JADE3: variants seen among roughly 807,000 people sequenced by gnomAD.
JADE3 encodes jade family PHD finger 3.
In JADE3, 2 loss-of-function variants were observed where a neutral mutation model predicts 50.1. The ratio of observed to expected loss-of-function variants is 0.04; its 90% confidence interval spans 0.02 to 0.13. JADE3 has a LOEUF of 0.13. JADE3 is among the 10% of genes least tolerant of loss of function. The pLI is 1.00. For missense variants in JADE3, 475 were observed against 634.4 expected (o/e 0.75, Z 2.70); for synonymous variants, 218 against 232.9 (o/e 0.94, Z 0.58).
intron 1 of JADE3, among the ~76,000 whole-genome samples, chrX:46,967,467 T>A (rs1278134136): frequency 8.9e-6 from 1 of 111,856 alleles, no homozygotes; most frequent in African/African-American, 3.2e-5. Flanking sequence ...AGGAAAAACC[T>A]GCTTTCTTCT....
chrX:46,990,142 T>G (rs1415052285), intron 3 of JADE3, among the ~76,000 whole-genome samples: 1 of 112,054 alleles, frequency 8.9e-6, no homozygotes, highest in Non-Finnish European at 1.9e-5. Context: ...ATGGATGTTT[T>G]AAAATCCTTG....
intron 3 of JADE3, among the ~76,000 whole-genome samples, chrX:46,995,029 A>ATTT (rs782296166): frequency 1.0e-5 from 1 of 96,343 alleles, no homozygotes; most frequent in Admixed American, 1.1e-4. Context: ...TTCCTTTAAG[A>ATTT]TTTTTTTTTT....
chrX:47,056,366 T>C (rs781913853), intron 10 of JADE3, among the ~76,000 whole-genome samples, 167 bp downstream of exon 10: 1 of 111,981 alleles, frequency 8.9e-6, no homozygotes, highest in East Asian at 2.8e-4. Context: ...CCCATTTCAC[T>C]GTCAGTTCAT....
intron 8 of JADE3, among the ~76,000 whole-genome samples, chrX:47,053,363 A>G (rs1370166583): frequency 9.0e-6 from 1 of 110,795 alleles, no homozygotes; most frequent in Non-Finnish European, 1.9e-5. Flanking sequence ...GGTTCAGGCA[A>G]TTCTCATGCC....
intron 1 of JADE3, among the ~76,000 whole-genome samples, chrX:46,940,120 T>C (rs1926722514): frequency 1.8e-5 from 2 of 112,000 alleles, no homozygotes; most frequent in African/African-American, 6.5e-5. Context: ...TAATGTTGAG[T>C]GAATTAGGTT....
intron 1 of JADE3, among the ~76,000 whole-genome samples, chrX:46,971,839 G>A (rs1054579938): frequency 2.7e-5 from 3 of 109,508 alleles, no homozygotes; most frequent in African/African-American, 1.0e-4. Context: ...ATTTAGAAAG[G>A]GCTAGCACCA....
chrX:46,940,222 G>A (rs1556342018), intron 1 of JADE3, among the ~76,000 whole-genome samples: 1 of 112,372 alleles, frequency 8.9e-6, no homozygotes, highest in Non-Finnish European at 1.9e-5. Context: ...AAAATTAGAA[G>A]ATGAGAGTTA....
intron 1 of JADE3, among the ~76,000 whole-genome samples, chrX:46,979,707 C>G (rs993109587): frequency 9.0e-6 from 1 of 110,571 alleles, no homozygotes; most frequent in African/African-American, 3.3e-5. Context: ...TACACTTTCT[C>G]CATGATTTGA....
intron 4 of JADE3, among the ~76,000 whole-genome samples, chrX:47,009,742 A>G (rs1928514181): frequency 9.2e-6 from 1 of 108,329 alleles, no homozygotes; most frequent in Admixed American, 1.0e-4. Context: ...CTCTCACCTC[A>G]GCCTTCCAAG....
intron 1 of JADE3, among the ~76,000 whole-genome samples, chrX:46,923,393 C>CTCTCT (rs1556338199): frequency 8.7e-5 from 1 of 11,525 alleles, no homozygotes; most frequent in Non-Finnish European, 2.0e-4. Flanking sequence ...CTCTCTCTCT[C>CTCTCT]TTTTTTTTTT....
chrX:47,057,909 T>G (rs782091664), intron 10 of JADE3, among the ~76,000 whole-genome samples: 5 of 111,719 alleles, frequency 4.5e-5, no homozygotes, highest in Non-Finnish European at 9.4e-5. Context: ...CACACTAGTT[T>G]GTGATCATTT....
intron 3 of JADE3, among the ~76,000 whole-genome samples, chrX:46,992,995 G>A (rs1928051000): frequency 9.0e-6 from 1 of 110,919 alleles, no homozygotes; most frequent in African/African-American, 3.3e-5. Context: ...TCTTAAAAGG[G>A]CCCATACTCG....
Position 47,058,304 on chromosome X carries a change from C to G in JADE3, c.1699C>G (p.Pro567Ala), listed in dbSNP as rs374074570. The G allele has an allele frequency of 4.1e-6, 5 of 1,208,815 alleles. No individual in the cohort carries two copies. Among genetic ancestry groups the G allele is most frequent in the Non-Finnish European group, 5.6e-6 (5 of 894,986 alleles). Residue 567 changes from proline to alanine, a missense_variant, in exon 11 of 11, where the codon CCT becomes GCT. Coordinates refer to ENST00000614628, the MANE Select transcript of JADE3 (RefSeq NM_014735.5). ...STETDQQPHSPDSSSSVHSIR... is the reference protein window; with the variant it reads ...STETDQQPHSADSSSSVHSIR... Reference sequence around the variant, plus strand: ...AGAAACCGATCAGCAGCCCCACTCTCCTGACAGCAGCTCATCTGTTCACAG... The same window carrying G: ...AGAAACCGATCAGCAGCCCCACTCTGCTGACAGCAGCTCATCTGTTCACAG...
intron 1 of JADE3, among the ~76,000 whole-genome samples, chrX:46,945,165 C>G (rs1281594127): frequency 9.1e-6 from 1 of 110,067 alleles, no homozygotes; most frequent in East Asian, 2.9e-4. Context: ...TAGCTATTCA[C>G]TCTTGGATCT....
intron 1 of JADE3, among the ~76,000 whole-genome samples, chrX:46,946,523 G>C (rs1216824924): frequency 8.9e-6 from 1 of 112,257 alleles, no homozygotes; most frequent in Admixed American, 9.4e-5. Flanking sequence ...AATTAAAATA[G>C]TGCCTCCATG....
At chrX:46,921,909 C>T (rs1556337791) in intron 1 of JADE3, among the ~76,000 whole-genome samples, 1 of 103,012 alleles carries the variant, frequency 9.7e-6, no homozygotes, top group African/African-American at 3.6e-5. Context: ...GATGAGAAGG[C>T]TGCTGTAATC....
At chrX:46,925,488 T>A (rs899646961) in intron 1 of JADE3, among the ~76,000 whole-genome samples, 2 of 111,981 alleles carry the variant, frequency 1.8e-5, no homozygotes, top group Non-Finnish European at 1.9e-5. Context: ...GTGGAAATGT[T>A]GTAGTAAATG....
At chrX:46,995,455 C>G (rs1556357197) in intron 3 of JADE3, among the ~76,000 whole-genome samples, 3 of 111,646 alleles carry the variant, frequency 2.7e-5, no homozygotes, top group South Asian at 3.7e-4. Context: ...TCTCTCTCCC[C>G]TCCCTGTTTT....
intron 1 of JADE3, among the ~76,000 whole-genome samples, chrX:46,973,560 A>G (rs1927544910): frequency 8.9e-6 from 1 of 112,194 alleles, no homozygotes; most frequent in African/African-American, 3.2e-5. Context: ...TTACTGGACT[A>G]CTGAGAAGTG....
Sources: gnomAD v4.1 joint callset for allele counts (sites outside exome capture counted in the v4.1 genomes callset) on GRCh38, gnomAD v4.1.1 for gene constraint, MANE v1.5 for transcripts, NCBI Gene and HGNC (gene_info 2026-07-23, HGNC 2026-07-21) for gene names.